The following OLFM3 variants were observed in gnomAD, a reference collection of about 807,000 sequenced individuals.
OLFM3 encodes the protein noelin-3.
Under a neutral mutation model 48.6 loss-of-function variants are expected in OLFM3, and 20 were observed. That is an observed-to-expected ratio of 0.41 (90% CI 0.29 to 0.60). The LOEUF (loss-of-function observed/expected upper bound fraction) is 0.60. Ranked by LOEUF, OLFM3 falls within the 20% of genes least tolerant of loss-of-function variation. OLFM3 has a pLI of 0.28. For missense variants in OLFM3, 437 were observed against 544.3 expected, an observed-to-expected ratio of 0.80 and a Z score of 1.96; for synonymous variants, 222 against 198.1, an observed-to-expected ratio of 1.12 and a Z score of -1.01.
At chr1:101,992,027 G>C (rs540012466) in intron 1 of OLFM3, among the ~76,000 whole-genome samples, 2 of 152,190 alleles carry the variant, frequency 1.3e-5, no homozygotes, top group Non-Finnish European at 2.9e-5. Context: ...AAAGTTTTCA[G>C]AACATCTAGG....
intron 1 of OLFM3, among the ~76,000 whole-genome samples, chr1:101,968,165 C>G (rs1014833703): frequency 2.6e-5 from 4 of 152,294 alleles, no homozygotes; most frequent in Admixed American, 2.6e-4. Flanking sequence ...CAGCACATAA[C>G]TTTGTGTGAG....
At chr1:101,807,600 C>A (rs184470994) in intron 4 of OLFM3, among the ~76,000 whole-genome samples, 115 of 151,908 alleles carry the variant, frequency 7.6e-4, no homozygotes, top group Middle Eastern at 3.4e-3. Context: ...GAATACTAAG[C>A]TTTGCAGTTA....
At chr1:101,932,438 G>A (rs972722235) in intron 1 of OLFM3, among the ~76,000 whole-genome samples, 1 of 152,164 alleles carries the variant, frequency 6.6e-6, no homozygotes, top group African/African-American at 2.4e-5. Context: ...CATTGAGGGT[G>A]GATAGAGGGA....
intron 1 of OLFM3, among the ~76,000 whole-genome samples, chr1:101,961,358 A>G (rs776580977): frequency 6.6e-6 from 1 of 152,034 alleles, no homozygotes; most frequent in South Asian, 2.1e-4. Flanking sequence ...TTTAAAATAG[A>G]TACTGTATTT....
intron 1 of OLFM3, among the ~76,000 whole-genome samples, chr1:101,982,231 C>T (rs1661123615): frequency 6.6e-6 from 1 of 152,130 alleles, no homozygotes; most frequent in Admixed American, 6.5e-5. Context: ...AGAATCTCCA[C>T]TTATGATTAT....
intron 1 of OLFM3, among the ~76,000 whole-genome samples, chr1:101,951,893 A>G (rs963306416): frequency 6.6e-6 from 1 of 152,132 alleles, no homozygotes; most frequent in Non-Finnish European, 1.5e-5. Flanking sequence ...CAATTTTTCT[A>G]TCTTTATAAA....
At chr1:101,827,165 G>T (rs1030674478) in intron 3 of OLFM3, among the ~76,000 whole-genome samples, 3 of 152,186 alleles carry the variant, frequency 2.0e-5, no homozygotes, top group Non-Finnish European at 4.4e-5. Flanking sequence ...TTACATCCAA[G>T]TTCTTAGCTA....
At chr1:101,906,710 T>A (rs1340797668) in intron 1 of OLFM3, among the ~76,000 whole-genome samples, 1 of 152,186 alleles carries the variant, frequency 6.6e-6, no homozygotes, top group East Asian at 1.9e-4. Context: ...GATTACACAG[T>A]CTTGACAAAA....
rs183714044 is a variant in OLFM3 at position 101,883,111 on chromosome 1, T to A, written c.70-46086A>T. Among the ~76,000 whole-genome samples the A allele has an allele frequency of 7.9e-5, 12 of 151,814 alleles. No homozygotes were observed. The East Asian group carries it at 2.3e-3, about 30-fold the overall frequency. ...TCAAGTGAGCCTAAGGTTACTTCTA[T>A]CAGCCAATCTTACTCTGCAAAACTG... On this transcript the variant is annotated intron_variant, in intron 1 of 5. Coordinates refer to ENST00000370103, the MANE Select transcript of OLFM3 (RefSeq NM_058170.4).
intron 1 of OLFM3, among the ~76,000 whole-genome samples, chr1:101,889,220 C>A (rs1469411513): frequency 6.6e-6 from 1 of 152,118 alleles, no homozygotes; most frequent in South Asian, 2.1e-4. Flanking sequence ...TATTGCAGCA[C>A]TATTCACAAT....
chr1:101,922,145 C>G (rs924999146), intron 1 of OLFM3, among the ~76,000 whole-genome samples: 1 of 152,140 alleles, frequency 6.6e-6, no homozygotes, highest in Admixed American at 6.5e-5. Flanking sequence ...TATGTGAAAC[C>G]AACTCCATTT....
At chr1:101,918,710 T>C (rs1039777954) in intron 1 of OLFM3, among the ~76,000 whole-genome samples, 2 of 152,148 alleles carry the variant, frequency 1.3e-5, no homozygotes, top group Non-Finnish European at 2.9e-5. Context: ...TCACGGGTTC[T>C]GGGGATTTGA....
At chr1:101,931,628 C>T (rs768259116) in intron 1 of OLFM3, among the ~76,000 whole-genome samples, 17 of 152,160 alleles carry the variant, frequency 1.1e-4, no homozygotes, top group Non-Finnish European at 1.9e-4. Flanking sequence ...GTGCCCATAG[C>T]TATACTGAGC....
chr1:101,880,368 C>A (rs1412285602), intron 1 of OLFM3, among the ~76,000 whole-genome samples: 1 of 151,784 alleles, frequency 6.6e-6, no homozygotes, highest in Non-Finnish European at 1.5e-5. Flanking sequence ...AAGAGTTATA[C>A]ATAATATTTA....
rs746333958 is a variant in OLFM3 at position 101,996,745 on chromosome 1, T to C, written c.69+3A>G. ...CAAACAAGACTCAAAATATTGTTCA[T>C]ACCTTGGAAGGATCTAATCCGGCAA... On this transcript the variant is annotated splice_donor_region_variant and intron_variant, in intron 1 of 5. Coordinates refer to ENST00000370103, the MANE Select transcript of OLFM3 (RefSeq NM_058170.4). The C allele has an allele frequency of 6.2e-7, 1 of 1,614,152 alleles. No homozygotes were observed. The highest frequency in any genetic ancestry group is 8.5e-7 in the Non-Finnish European group (1 of 1,179,938).
intron 1 of OLFM3, among the ~76,000 whole-genome samples, chr1:101,860,165 T>C (rs924789613): frequency 1.3e-5 from 2 of 152,002 alleles, no homozygotes; most frequent in Non-Finnish European, 2.9e-5. Context: ...ACATGCTTCT[T>C]ATCAAGAAAG....
chr1:101,846,856 G>C (rs41287302), intron 1 of OLFM3: 1 of 1,611,578 alleles, frequency 6.2e-7, no homozygotes, highest in Non-Finnish European at 8.5e-7. Context: ...AAGGTATCCG[G>C]AGTCGACAGC....
At chr1:101,821,190 G>A (rs1654591726) in intron 4 of OLFM3, among the ~76,000 whole-genome samples, 1 of 151,970 alleles carries the variant, frequency 6.6e-6, no homozygotes, top group Non-Finnish European at 1.5e-5. Context: ...GGAGTTCAAG[G>A]GTTCTCAGAG....
Position 101,830,686 on chromosome 1 carries a change from T to C in OLFM3, c.358A>G (p.Thr120Ala). The change falls in exon 3 of 6, where the codon ACC becomes GCC. Residue 120 changes from threonine (T) to alanine (A), a missense_variant. Thr to Ala is a moderately conservative substitution (Grantham distance 58, BLOSUM62 0). Transcript: ENST00000370103. ...GTCAAACCTACCTGAAAATGCTTGG[T>C]CATAAGTGTCTTTCGATCATCTTCA... The part of the protein sequence containing the change: ...QIEDDRKTLM[T>A]KHFQELKEKM... 6.2e-7 allele frequency: 1 copy of C among 1,614,190 alleles called. No homozygotes were observed. The highest frequency in any genetic ancestry group is 8.5e-7 in the Non-Finnish European group (1 of 1,180,026).
Sources: gnomAD v4.1 joint callset for allele counts (sites outside exome capture counted in the v4.1 genomes callset) on GRCh38, gnomAD v4.1.1 for gene constraint, MANE v1.5 for transcripts, NCBI Gene and HGNC (gene_info 2026-07-23, HGNC 2026-07-21) for gene names.